USP43: variants seen among roughly 807,000 people sequenced by gnomAD.
The protein encoded by USP43 is ubiquitin specific peptidase 43.
A neutral mutation model predicts 90.7 loss-of-function variants in USP43; 33 were observed. The observed-to-expected ratio is 0.36, with a 90% confidence interval of 0.28 to 0.49. USP43 has a LOEUF of 0.49. Among genes scored for constraint, USP43 ranks in the 20% least tolerant of loss-of-function variants. The pLI is 0.98. For synonymous variants in USP43, 598 were observed against 615.8 expected (o/e 0.97, Z 0.43); for missense variants, 1,274 against 1,476.4 (o/e 0.86, Z 2.25).
In USP43 at chr17:9,728,080, C is replaced by A. The variant is rs76912039; in HGVS notation, c.2462C>A (p.Ser821Tyr). The change falls in exon 15 of 15, where the codon TCC becomes TAC. Residue 821 changes from serine to tyrosine, a missense_variant. By Grantham distance (144) the Ser-to-Tyr change is moderately radical. This residue lies in a region of USP43 where 285 missense variants were observed against 349.6 expected (regional missense o/e 0.82). Coordinates refer to ENST00000285199, the MANE Select transcript of USP43 (RefSeq NM_153210.5). The surrounding 1 kb of genome is among the most constrained non-coding windows in gnomAD (Gnocchi z 6.2). ...KTMPLRWSFG[S>Y]KEKPPGASVE... ...ATGCCTCTGCGGTGGTCCTTTGGAT[C>A]CAAGGAGAAACCACCAGGTGCCTCC... 2.9e-5 allele frequency: 46 copies of A among 1,613,780 alleles called. 1 individual carries two copies. In the East Asian group the frequency reaches 1.0e-3, roughly 36 times the overall value.
At chr17:9,700,367 C>A in intron 10 of USP43, 118 bp downstream of exon 10, 1 of 909,086 alleles carries the variant, frequency 1.1e-6, no homozygotes, top group Non-Finnish European at 1.7e-6. Context: ...ATCTTTGAGC[C>A]AGTGTAACCC....
At chr17:9,696,800 C>T (rs1279710614) in intron 9 of USP43, among the ~76,000 whole-genome samples, 1 of 152,252 alleles carries the variant, frequency 6.6e-6, no homozygotes, top group Non-Finnish European at 1.5e-5. Flanking sequence ...TCCCATGTGG[C>T]CCGTCCCTCA....
chr17:9,662,883 T>A (rs543709076), intron 2 of USP43, among the ~76,000 whole-genome samples: 2 of 151,472 alleles, frequency 1.3e-5, no homozygotes, highest in African/African-American at 4.8e-5. Context: ...AGTGGTGCGA[T>A]CTCAGCTCAC....
At chr17:9,712,714 T>C (rs1416107967) in intron 14 of USP43, among the ~76,000 whole-genome samples, 1 of 152,162 alleles carries the variant, frequency 6.6e-6, no homozygotes, top group Non-Finnish European at 1.5e-5. Flanking sequence ...TGTTAGAACC[T>C]ACCTTTCTGA....
rs373484534 is a variant in USP43, at chr17:9,701,158, C to T, written c.1575C>T (p.Ala525=). ...TCCAGGAGGAGCGAGCGCAGGATGC[C>T]GACAGTGTGTGGCAGCAGCAGCAGG... is the stretch of plus-strand genomic sequence containing the variant. ...GSLQEERAQD[A]DSVWQQQQAH... is the part of the protein sequence containing the mutation. The change falls in exon 11 of 15, where the codon GCC becomes GCT. Residue 525 remains alanine (A), a synonymous_variant. Coordinates refer to ENST00000285199, the MANE Select transcript of USP43 (RefSeq NM_153210.5). This position sits in a 1 kb window ranked among gnomAD's most constrained non-coding sequence, Gnocchi z 7.2. 2.3e-4 allele frequency: 347 copies of T among 1,518,662 alleles called. No individual in the cohort carries two copies. Among genetic ancestry groups the T allele is most frequent in the Non-Finnish European group, 2.9e-4 (331 of 1,130,824 alleles). 94.1% of individuals were successfully genotyped at this position (1,518,662 alleles called of 1,614,324 possible).
At chr17:9,649,164 G>A (rs1488353728) in intron 1 of USP43, among the ~76,000 whole-genome samples, 1 of 151,874 alleles carries the variant, frequency 6.6e-6, no homozygotes, top group African/African-American at 2.4e-5. Flanking sequence ...AAAATTAGCC[G>A]GGCGTGGTGG....
Position 9,701,811 on chromosome 17 carries a change from G to A in USP43, c.2011+111G>A, listed in dbSNP as rs1316310678. The A allele has an allele frequency of 1.1e-5, 10 of 921,312 alleles. No homozygotes were observed. The highest frequency in any genetic ancestry group is 1.9e-5 in the South Asian group (1 of 51,490). The allele number at this position is 921,312 out of a possible 1,614,324, so 57.1% of individuals were successfully genotyped here. A position where few individuals can be genotyped will look rare whatever the true frequency, so the allele number is the denominator to read the frequency against. Reference sequence around the variant, plus strand: ...CTCCCTGGGGCACTTATTGAGATCCGACCCCTCACCCACCGCACACCAGGA... The same window carrying A: ...CTCCCTGGGGCACTTATTGAGATCCAACCCCTCACCCACCGCACACCAGGA... On this transcript the variant is annotated intron_variant, in intron 12 of 14. Coordinates refer to ENST00000285199, the MANE Select transcript of USP43 (RefSeq NM_153210.5). The surrounding 1 kb of genome is among the most constrained non-coding windows in gnomAD (Gnocchi z 7.2).
At chr17:9,717,586 G>A (rs915753883) in intron 14 of USP43, among the ~76,000 whole-genome samples, 1 of 151,882 alleles carries the variant, frequency 6.6e-6, no homozygotes, top group Non-Finnish European at 1.5e-5. Context: ...TGTCTGCGTG[G>A]GTTTTCTCCG....
At chr17:9,662,394 G>T (rs894996061) in intron 2 of USP43, among the ~76,000 whole-genome samples, 3 of 152,284 alleles carry the variant, frequency 2.0e-5, no homozygotes, top group Admixed American at 6.5e-5. Context: ...CTCAAACCCA[G>T]CATGCCCATC....
chr17:9,705,778 C>CAA (rs59398544), intron 12 of USP43, among the ~76,000 whole-genome samples: 1 of 146,476 alleles, frequency 6.8e-6, no homozygotes, highest in East Asian at 2.0e-4. Flanking sequence ...ACAACAACAG[C>CAA]AAAAAAAAAA....
chr17:9,664,419 A>G (rs1597824540), intron 2 of USP43, among the ~76,000 whole-genome samples: 1 of 152,106 alleles, frequency 6.6e-6, no homozygotes, highest in Non-Finnish European at 1.5e-5. Flanking sequence ...ATCCTTCAAC[A>G]TTTACCCCTA....
chr17:9,712,421 G>A (rs536995436), intron 14 of USP43, among the ~76,000 whole-genome samples: 1 of 152,312 alleles, frequency 6.6e-6, no homozygotes, highest in East Asian at 1.9e-4. Context: ...ATGGCAAAGA[G>A]AATCAGGGAA....
At chr17:9,702,626 CAG>C (rs1915639330) in intron 12 of USP43, among the ~76,000 whole-genome samples, 1 of 152,114 alleles carries the variant, frequency 6.6e-6, no homozygotes, top group Admixed American at 6.5e-5. Context: ...TGAGTGTTTT[CAG>C]AGAGTGTCAT....
chr17:9,657,629 G>T (rs535819732), intron 2 of USP43, among the ~76,000 whole-genome samples: 1 of 152,266 alleles, frequency 6.6e-6, no homozygotes, highest in Non-Finnish European at 1.5e-5. Context: ...ATGGTGGAAG[G>T]AGAAGTACGT....
intron 8 of USP43, among the ~76,000 whole-genome samples, chr17:9,688,078 C>T (rs1479702281): frequency 1.3e-5 from 2 of 151,982 alleles, no homozygotes; most frequent in African/African-American, 2.4e-5. Flanking sequence ...CTCCGCCTCC[C>T]GGGTTCACGC....
intron 14 of USP43, among the ~76,000 whole-genome samples, chr17:9,715,365 A>C (rs1257814424): frequency 6.6e-6 from 1 of 152,124 alleles, no homozygotes; most frequent in Admixed American, 6.5e-5. Context: ...AGGTGGGAGG[A>C]TCTCTTGAGC....
chr17:9,712,190 G>T, intron 14 of USP43, 58 bp downstream of exon 14: 1 of 1,490,702 alleles, frequency 6.7e-7, no homozygotes, highest in Non-Finnish European at 9.0e-7. Flanking sequence ...TGTTGTTATT[G>T]CTCAGTATGA....
At chr17:9,713,622 T>C (rs920447389) in intron 14 of USP43, among the ~76,000 whole-genome samples, 7 of 152,130 alleles carry the variant, frequency 4.6e-5, no homozygotes, top group Admixed American at 3.9e-4. Flanking sequence ...ACTAACATGG[T>C]TATATCCAGG....
chr17:9,720,739 C>T (rs544685428), intron 14 of USP43, among the ~76,000 whole-genome samples: 17 of 152,278 alleles, frequency 1.1e-4, no homozygotes, highest in East Asian at 5.8e-4. Context: ...CTGCCCACCT[C>T]GGCCTCCCAC....
Sources: gnomAD v4.1 joint callset for allele counts (sites outside exome capture counted in the v4.1 genomes callset) on GRCh38, gnomAD v4.1.1 for gene constraint, gnomAD v4.1.1 regional missense constraint, Gnocchi (gnomAD v3.1) non-coding constraint, MANE v1.5 for transcripts, NCBI Gene and HGNC (gene_info 2026-07-23, HGNC 2026-07-21) for gene names.